Variants in PABPC4L observed in about 807,000 individuals in gnomAD.
PABPC4L encodes the protein poly(A) binding protein cytoplasmic 4 like, also known as polyadenylate-binding protein 4-like.
For synonymous variants in PABPC4L, 169 were observed against 164.1 expected (o/e 1.03, Z -0.23); for missense variants, 452 against 451.4 (o/e 1.00, Z -0.01).
chr4:134,173,206 G>A, the PABPC4L span, among the ~76,000 whole-genome samples: 1 of 143,064 alleles, frequency 7.0e-6, no homozygotes, highest in Non-Finnish European at 1.5e-5. Flanking sequence ...ACTACCATAC[G>A]ATCCAGCAAA....
the PABPC4L span, among the ~76,000 whole-genome samples, chr4:134,116,357 C>G: frequency 4.6e-5 from 7 of 151,916 alleles, no homozygotes; most frequent in South Asian, 1.2e-3. Context: ...GGAAAAGTGA[C>G]TAAAAGCCCA....
chr4:134,093,267 G>T, the PABPC4L span, among the ~76,000 whole-genome samples: 2 of 148,342 alleles, frequency 1.3e-5, no homozygotes, highest in Non-Finnish European at 3.0e-5. Context: ...TCTGGTTTTT[G>T]AGCTGAAAAT....
chr4:133,985,024 C>G, the PABPC4L span, among the ~76,000 whole-genome samples: 1 of 151,818 alleles, frequency 6.6e-6, no homozygotes, highest in Admixed American at 6.6e-5. Context: ...AAGTATCTAC[C>G]ACTACTTTCA....
the PABPC4L span, among the ~76,000 whole-genome samples, chr4:134,086,416 C>T: frequency 3.3e-5 from 5 of 152,158 alleles, no homozygotes; most frequent in Admixed American, 2.6e-4. Context: ...TATTTACTCT[C>T]AGATTTAAGC....
chr4:134,052,606 C>T, the PABPC4L span, among the ~76,000 whole-genome samples: 1 of 151,558 alleles, frequency 6.6e-6, no homozygotes. Flanking sequence ...AACATGAAAA[C>T]AGAGCAAAGT....
chr4:134,068,323 T>A, the PABPC4L span, among the ~76,000 whole-genome samples: 4 of 152,316 alleles, frequency 2.6e-5, no homozygotes, highest in African/African-American at 9.6e-5. Flanking sequence ...GTAGGTTTTG[T>A]CTGAAATTAA....
At chr4:134,115,221 A>G in the PABPC4L span, among the ~76,000 whole-genome samples, 8 of 151,850 alleles carry the variant, frequency 5.3e-5, no homozygotes. Flanking sequence ...TGTTTACTTC[A>G]CACTTAGACA....
At chr4:134,042,677 T>A in the PABPC4L span, among the ~76,000 whole-genome samples, 1 of 151,762 alleles carries the variant, frequency 6.6e-6, no homozygotes, top group Non-Finnish European at 1.5e-5. Context: ...CTAATTGGAG[T>A]TTTTCTGCAG....
the PABPC4L span, among the ~76,000 whole-genome samples, chr4:134,115,378 G>T: frequency 6.6e-6 from 1 of 151,760 alleles, no homozygotes; most frequent in Non-Finnish European, 1.5e-5. Flanking sequence ...TACAAGTAGA[G>T]AGAGGGGGAG....
chr4:133,995,662 A>C, the PABPC4L span, among the ~76,000 whole-genome samples: 2 of 152,138 alleles, frequency 1.3e-5, no homozygotes, highest in African/African-American at 4.8e-5. Flanking sequence ...GCACAAAGAC[A>C]CTTGTGCATA....
At chr4:133,971,376 G>T in the PABPC4L span, among the ~76,000 whole-genome samples, 1 of 152,034 alleles carries the variant, frequency 6.6e-6, no homozygotes, top group African/African-American at 2.4e-5. Context: ...CTTCCAAAGT[G>T]CTGGGATTAT....
the PABPC4L span, among the ~76,000 whole-genome samples, chr4:133,998,542 A>T: frequency 6.6e-6 from 1 of 152,022 alleles, no homozygotes; most frequent in African/African-American, 2.4e-5. Flanking sequence ...TTTCAAAATC[A>T]TCTTGAATAT....
At chr4:134,036,005 T>C in the PABPC4L span, among the ~76,000 whole-genome samples, 6 of 152,068 alleles carry the variant, frequency 3.9e-5, no homozygotes, top group South Asian at 2.1e-4. Flanking sequence ...ACTGCCCCTA[T>C]GATCCAATTA....
At chr4:134,185,890 TAACA>T in the PABPC4L span, among the ~76,000 whole-genome samples, 6 of 151,856 alleles carry the variant, frequency 4.0e-5, no homozygotes, top group Non-Finnish European at 7.4e-5. Flanking sequence ...TATACACCAA[TAACA>T]AACAAACAGA....
chr4:134,161,977 C>A, the PABPC4L span, among the ~76,000 whole-genome samples: 2 of 151,936 alleles, frequency 1.3e-5, no homozygotes, highest in Non-Finnish European at 2.9e-5. Flanking sequence ...TCTTTTCTTT[C>A]TTTTTTCTTT....
the PABPC4L span, among the ~76,000 whole-genome samples, chr4:134,097,860 T>C: frequency 6.6e-6 from 1 of 151,932 alleles, no homozygotes; most frequent in South Asian, 2.1e-4. Flanking sequence ...GTTTTTACTT[T>C]CTGTGCCATT....
At chr4:134,172,376 A>C in the PABPC4L span, among the ~76,000 whole-genome samples, 3 of 151,998 alleles carry the variant, frequency 2.0e-5, no homozygotes, top group Non-Finnish European at 4.4e-5. Flanking sequence ...CCCTACAAAC[A>C]TGTGATCTTT....
chr4:134,040,443 C>A, the PABPC4L span, among the ~76,000 whole-genome samples: 2 of 152,110 alleles, frequency 1.3e-5, no homozygotes, highest in Admixed American at 1.3e-4. Context: ...ATCACCTGAT[C>A]TTTGACAAAC....
the PABPC4L span, among the ~76,000 whole-genome samples, chr4:134,150,151 C>T: frequency 6.7e-6 from 1 of 149,940 alleles, no homozygotes; most frequent in African/African-American, 2.5e-5. Context: ...GGCGCGATCT[C>T]GGCTCACTGC....
Sources: gnomAD v4.1 joint callset for allele counts (sites outside exome capture counted in the v4.1 genomes callset) on GRCh38, gnomAD v4.1.1 for gene constraint, MANE v1.5 for transcripts, NCBI Gene and HGNC (gene_info 2026-07-23, HGNC 2026-07-21) for gene names.